GRHL2: variants seen among roughly 807,000 people sequenced by gnomAD.
The protein encoded by GRHL2 is grainyhead-like protein 2 homolog.
In GRHL2, 21 loss-of-function variants were observed where a neutral mutation model predicts 83.8. The observed-to-expected ratio is 0.25, with a 90% CI of 0.18 to 0.36. The LOEUF (loss-of-function observed/expected upper bound fraction) is 0.36. Among genes scored for constraint, GRHL2 ranks in the 10% least tolerant of loss-of-function variants. The pLI, the probability that GRHL2 is intolerant of heterozygous loss-of-function variation, is 1.00. For missense variants in GRHL2, 623 were observed against 781.8 expected, an observed-to-expected ratio of 0.80 and a Z score of 2.42; for synonymous variants, 280 against 278.9, an observed-to-expected ratio of 1.00 and a Z score of -0.04.
intron 4 of GRHL2, chr8:101,562,425 C>T: frequency 5.5e-6 from 3 of 546,006 alleles, no homozygotes; most frequent in South Asian, 4.1e-5. Context: ...TTATTGTGGA[C>T]AAACGTCATG....
intron 12 of GRHL2, among the ~76,000 whole-genome samples, chr8:101,640,956 C>T (rs1274007881): frequency 1.3e-5 from 2 of 152,196 alleles, no homozygotes; most frequent in Non-Finnish European, 1.5e-5. Flanking sequence ...TTCAAGTCTT[C>T]TTGGCTGGAA....
At chr8:101,661,798 T>C (rs1356017630) in intron 14 of GRHL2, among the ~76,000 whole-genome samples, 1 of 152,218 alleles carries the variant, frequency 6.6e-6, no homozygotes, top group Non-Finnish European at 1.5e-5. Context: ...AAATACTTTT[T>C]TCCTGTAGTC....
At chr8:101,559,228 T>C (rs909128418) in intron 4 of GRHL2, among the ~76,000 whole-genome samples, 1 of 151,830 alleles carries the variant, frequency 6.6e-6, no homozygotes, top group African/African-American at 2.4e-5. Flanking sequence ...CAATATAACT[T>C]TGGCTGGACG....
At chr8:101,592,187 C>T (rs566567685) in intron 7 of GRHL2, among the ~76,000 whole-genome samples, 4 of 146,772 alleles carry the variant, frequency 2.7e-5, no homozygotes, top group African/African-American at 1.0e-4. Flanking sequence ...TCACTGCAAC[C>T]TCCGCCTCCC....
At chr8:101,550,715 T>A (rs56703862) in intron 2 of GRHL2, among the ~76,000 whole-genome samples, 2,417 of 152,294 alleles carry the variant, frequency 0.016, 55 homozygotes, top group African/African-American at 0.055. Context: ...TCCAGAGCCT[T>A]TTCATTTTCC....
chr8:101,587,523 G>A (rs1812192825), intron 7 of GRHL2, among the ~76,000 whole-genome samples: 1 of 152,128 alleles, frequency 6.6e-6, no homozygotes, highest in Non-Finnish European at 1.5e-5. Flanking sequence ...ACATTTACTG[G>A]ACATTGAGTT....
At chr8:101,635,612 G>A (rs932505521) in intron 11 of GRHL2, among the ~76,000 whole-genome samples, 2 of 152,166 alleles carry the variant, frequency 1.3e-5, no homozygotes, top group African/African-American at 4.8e-5. Context: ...CTTCACTTAG[G>A]TGGGTTACTC....
chr8:101,544,393 T>A (rs1811217808), intron 2 of GRHL2, among the ~76,000 whole-genome samples: 1 of 152,212 alleles, frequency 6.6e-6, no homozygotes, highest in South Asian at 2.1e-4. Flanking sequence ...GCAAAATAAA[T>A]GTAATGCACT....
chr8:101,663,940 G>A (rs1390435695), intron 14 of GRHL2, among the ~76,000 whole-genome samples: 1 of 151,092 alleles, frequency 6.6e-6, no homozygotes, highest in East Asian at 1.9e-4. Flanking sequence ...TTAAAGTTGT[G>A]TTGTTTTTAT....
downstream of GRHL2, among the ~76,000 whole-genome samples, chr8:101,673,994 GTTC>G (rs1204726510): frequency 6.6e-6 from 1 of 152,060 alleles, no homozygotes; most frequent in African/African-American, 2.4e-5. Flanking sequence ...AAATAAAGAT[GTTC>G]TTTGAAACCA....
the GRHL2 span, among the ~76,000 whole-genome samples, chr8:101,676,822 C>A: frequency 3.6e-4 from 55 of 152,242 alleles, no homozygotes; most frequent in African/African-American, 1.3e-3. Context: ...AAATGTCCAA[C>A]AACGATAGAC....
intron 8 of GRHL2, among the ~76,000 whole-genome samples, chr8:101,613,759 A>C (rs1812799127): frequency 6.6e-6 from 1 of 151,002 alleles, no homozygotes; most frequent in Non-Finnish European, 1.5e-5. Context: ...TGTGAAAGGA[A>C]AATGTGTTCT....
rs142905063 is a variant in GRHL2, at chr8:101,649,673, T to A, written c.1698+174T>A. On this transcript the variant is annotated intron_variant, in intron 14 of 15. Coordinates refer to ENST00000646743, the MANE Select transcript of GRHL2 (RefSeq NM_024915.4). ...TCGCTACTGTCAAGGCTTATTAGCA[T>A]CTTGAGGAGAAGGAAACTGAAAAAC... is the stretch of plus-strand genomic sequence containing the variant. 5.2e-3 allele frequency among the ~76,000 whole-genome samples: 785 copies of A among 152,188 alleles called. 5 individuals are homozygous for A. Among genetic ancestry groups the A allele is most frequent in the African/African-American group, 0.017 (698 of 41,530 alleles).
At chr8:101,546,412 AT>A (rs57173859) in intron 2 of GRHL2, among the ~76,000 whole-genome samples, 25,427 of 141,418 alleles carry the variant, frequency 0.18, 3,975 homozygotes, top group African/African-American at 0.43. Flanking sequence ...ATAATTAGTA[AT>A]TTTTTTTTTT....
chr8:101,651,408 G>A (rs1007299043), intron 14 of GRHL2, among the ~76,000 whole-genome samples: 5 of 152,234 alleles, frequency 3.3e-5, no homozygotes, highest in African/African-American at 1.2e-4. Context: ...TATTTTTAAC[G>A]AGCTCCTGAG....
intron 4 of GRHL2, among the ~76,000 whole-genome samples, chr8:101,563,301 C>CAGTG (rs1175963470): frequency 1.3e-5 from 2 of 152,126 alleles, no homozygotes; most frequent in African/African-American, 4.8e-5. Flanking sequence ...TTGCTTAAGA[C>CAGTG]AGTGATTCAC....
rs543576153 is a variant in GRHL2, at chr8:101,629,404, CCT to C, written c.1258-2228_1258-2227del. Among the ~76,000 whole-genome samples the C allele has an allele frequency of 2.0e-4, 31 of 151,960 alleles. 2 individuals carry two copies. The highest frequency in any genetic ancestry group is 6.8e-3 in the Middle Eastern group (2 of 294). On this transcript the variant is annotated intron_variant, in intron 9 of 15. Coordinates refer to ENST00000646743, the MANE Select transcript of GRHL2 (RefSeq NM_024915.4). ...TTGATATAGTATAGTGCAAACATAA[CCT>C]CTCTATGCACTGGGGAACAAAAAAA...
Position 101,667,091 on chromosome 8 carries a change from T to G in GRHL2, c.*388T>G. 3.3e-6 allele frequency: 1 copy of G among 306,948 alleles called. No homozygotes were observed. The highest frequency in any genetic ancestry group is 2.1e-5 in the African/African-American group (1 of 47,056). 19.0% of individuals were successfully genotyped at this position (306,948 alleles called of 1,614,324 possible). ...AACAGCCTAAAAAATTCCCATCCCT[T>G]CTCTCTCACCCCTCCATATCTATCT... On this transcript the variant is annotated 3_prime_UTR_variant, in exon 16 of 16. Transcript: ENST00000646743.
At chr8:101,657,890 C>T (rs1003296212) in intron 14 of GRHL2, among the ~76,000 whole-genome samples, 26 of 151,974 alleles carry the variant, frequency 1.7e-4, no homozygotes, top group African/African-American at 6.3e-4. Context: ...AACCCAAGCA[C>T]TCCAAATCAC....
Sources: allele counts gnomAD v4.1 joint callset (sites outside exome capture counted in the v4.1 genomes callset), GRCh38; gene constraint gnomAD v4.1.1; transcripts MANE v1.5; gene names NCBI Gene and HGNC (gene_info 2026-07-23, HGNC 2026-07-21).